BRI3BP: variants seen among roughly 807,000 people sequenced by gnomAD.
The protein encoded by BRI3BP is BRI3 binding protein.
BRI3BP carries 7 observed loss-of-function variants against 15.8 expected under a neutral mutation model. The ratio of observed to expected loss-of-function variants is 0.44; its 90% CI spans 0.25 to 0.83. BRI3BP has a LOEUF of 0.83. Among genes scored for constraint, BRI3BP ranks in the 40% least tolerant of loss-of-function variants. BRI3BP has a pLI of 0.20. For missense variants in BRI3BP, 320 were observed against 339.3 expected (o/e 0.94, Z 0.45); for synonymous variants, 192 against 163.5 (o/e 1.17, Z -1.33).
chr12:125,024,637 T>G (rs1475784624), intron 2 of BRI3BP, among the ~76,000 whole-genome samples: 1 of 152,016 alleles, frequency 6.6e-6, no homozygotes, highest in Non-Finnish European at 1.5e-5. Flanking sequence ...CCGTCTCTAC[T>G]AAAGATACAA....
chr12:125,038,879 C>CAGGG, the BRI3BP span, among the ~76,000 whole-genome samples: 1 of 152,160 alleles, frequency 6.6e-6, no homozygotes, highest in African/African-American at 2.4e-5. Context: ...CACCTGAGAT[C>CAGGG]AGGGGTTCAA....
intron 1 of BRI3BP, among the ~76,000 whole-genome samples, chr12:124,994,258 C>T (rs1057350693): frequency 3.9e-5 from 6 of 151,996 alleles, no homozygotes; most frequent in Non-Finnish European, 7.4e-5. Flanking sequence ...CCTCCGCGGT[C>T]GGCGCAGCCA....
At chr12:125,042,001 G>A in the BRI3BP span, among the ~76,000 whole-genome samples, 121 of 151,554 alleles carry the variant, frequency 8.0e-4, 1 homozygote, top group South Asian at 0.014. Context: ...GCCCTTTTGC[G>A]TATCACTTTA....
chr12:124,995,395 A>G (rs909956245), intron 1 of BRI3BP, among the ~76,000 whole-genome samples: 5 of 152,188 alleles, frequency 3.3e-5, no homozygotes, highest in African/African-American at 9.7e-5. Flanking sequence ...GGCAGAAATC[A>G]TTTGTTTTAG....
chr12:125,002,506 G>A (rs544299343), intron 1 of BRI3BP, among the ~76,000 whole-genome samples: 1 of 150,854 alleles, frequency 6.6e-6, no homozygotes, highest in South Asian at 2.1e-4. Context: ...TGCCAGGCTG[G>A]AGTGCAGTGG....
At chr12:124,994,040 C>T in intron 1 of BRI3BP, 37 bp downstream of exon 1, 3 of 1,236,710 alleles carry the variant, frequency 2.4e-6, no homozygotes, top group Non-Finnish European at 3.1e-6. Context: ...CACCTTGCCC[C>T]GGTCGCCACG....
At chr12:125,022,418 T>C (rs1429464635) in intron 2 of BRI3BP, among the ~76,000 whole-genome samples, 2 of 152,218 alleles carry the variant, frequency 1.3e-5, no homozygotes, top group African/African-American at 4.8e-5. Context: ...TGGCAAATGC[T>C]GAACGTGAAC....
At chr12:125,036,844 G>A in the BRI3BP span, among the ~76,000 whole-genome samples, 4 of 152,110 alleles carry the variant, frequency 2.6e-5, no homozygotes, top group Non-Finnish European at 4.4e-5. Context: ...GATACCCCTC[G>A]ACTCCACCAT....
At chr12:125,031,611 C>T (rs111982545), downstream of BRI3BP, among the ~76,000 whole-genome samples, 30 of 109,574 alleles carry the variant, frequency 2.7e-4, 1 homozygote, top group African/African-American at 1.1e-3. Flanking sequence ...TTGAGATGGA[C>T]TCTCACCCAG....
At chr12:125,032,900 G>A (rs1955417178), downstream of BRI3BP, among the ~76,000 whole-genome samples, 1 of 152,202 alleles carries the variant, frequency 6.6e-6, no homozygotes, top group South Asian at 2.1e-4. Context: ...AGAGGAATGA[G>A]ACTTCACAGG....
intron 1 of BRI3BP, among the ~76,000 whole-genome samples, chr12:125,008,997 A>G (rs11612728): frequency 0.13 from 19,387 of 150,676 alleles, 1,634 homozygotes; most frequent in South Asian, 0.32. Flanking sequence ...TTTTTTTGAG[A>G]CAGAGTCTCG....
chr12:125,046,500 G>T, the BRI3BP span, among the ~76,000 whole-genome samples: 1 of 152,158 alleles, frequency 6.6e-6, no homozygotes, highest in East Asian at 1.9e-4. Context: ...GGGAGGCAGA[G>T]GTTGCAGTGA....
intron 2 of BRI3BP, among the ~76,000 whole-genome samples, chr12:125,018,181 A>G: frequency 6.6e-6 from 1 of 152,176 alleles, no homozygotes; most frequent in Non-Finnish European, 1.5e-5. Context: ...AGCCATCAGG[A>G]CTTGACAAGT....
the BRI3BP span, among the ~76,000 whole-genome samples, chr12:125,047,659 A>G: frequency 6.6e-6 from 1 of 152,006 alleles, no homozygotes; most frequent in Non-Finnish European, 1.5e-5. Flanking sequence ...TACAGGCATA[A>G]GCCACCATGC....
At chr12:125,015,873 C>T (rs993541975) in intron 2 of BRI3BP, among the ~76,000 whole-genome samples, 1 of 152,200 alleles carries the variant, frequency 6.6e-6, no homozygotes, top group South Asian at 2.1e-4. Context: ...GCAGAGTTAA[C>T]GCACCCTCCC....
chr12:125,023,904 C>CTAAA (rs1221123759), intron 2 of BRI3BP, among the ~76,000 whole-genome samples: 1 of 152,124 alleles, frequency 6.6e-6, no homozygotes, highest in Non-Finnish European at 1.5e-5. Context: ...AACCTCATCT[C>CTAAA]TACTAAAAAT....
intron 1 of BRI3BP, among the ~76,000 whole-genome samples, chr12:124,995,333 G>T (rs1955031439): frequency 6.6e-6 from 1 of 152,194 alleles, no homozygotes; most frequent in Non-Finnish European, 1.5e-5. Context: ...AGGGGTGTGA[G>T]TGCAGGGAGT....
chr12:125,035,981 G>A (rs530873966), downstream of BRI3BP, among the ~76,000 whole-genome samples: 64 of 152,008 alleles, frequency 4.2e-4, no homozygotes, highest in Middle Eastern at 3.4e-3. Context: ...AGCAAACCAA[G>A]TCAATAGTCC....
Position 124,993,893 on chromosome 12 carries a change from G to GCGCGGGGC in BRI3BP, c.109_116dup (p.Gly40AlafsTer40), listed in dbSNP as rs1955017262. The GCGCGGGGC allele has an allele frequency of 3.2e-6, 4 of 1,261,774 alleles. No homozygotes were observed. Among genetic ancestry groups the GCGCGGGGC allele is most frequent in the Non-Finnish European group, 4.0e-6 (4 of 996,494 alleles). The allele number at this position is 1,261,774 out of a possible 1,614,324, so 78.2% of individuals were successfully genotyped here. On this transcript the variant is annotated frameshift_variant, in exon 1 of 3. Transcript: ENST00000341446. LOFTEE classifies it high-confidence loss of function. ...GCTGCTGGCCCCGGGCGCGCAGGGG[G>GCGCGGGGC]CGCGGGGCCGCGGCGGCGCGGAGAA...
Sources: allele counts gnomAD v4.1 joint callset (sites outside exome capture counted in the v4.1 genomes callset), GRCh38; gene constraint gnomAD v4.1.1; transcripts MANE v1.5; gene names NCBI Gene and HGNC (gene_info 2026-07-23, HGNC 2026-07-21).